GRIA4: variants seen among roughly 807,000 people sequenced by gnomAD.
The protein encoded by GRIA4 is glutamate ionotropic receptor AMPA type subunit 4, also known as glutamate receptor 4.
Under a neutral mutation model 104.0 loss-of-function variants are expected in GRIA4, and 34 were observed. The observed-to-expected ratio is 0.33, with a 90% CI of 0.25 to 0.44. The LOEUF (loss-of-function observed/expected upper bound fraction) is 0.44. Ranked by LOEUF, GRIA4 falls within the 20% of genes least tolerant of loss-of-function variation. The probability of loss-of-function intolerance (pLI) is 1.00; values close to 1 mark genes in which losing one functional copy is unlikely to be tolerated. For missense variants in GRIA4, 750 were observed against 1,096.5 expected (o/e 0.68, Z 4.46); for synonymous variants, 386 against 381.9 (o/e 1.01, Z -0.13).
At position 105,981,734 on chromosome 11, in the gene GRIA4, A is replaced by T. The variant is rs527491831; in HGVS notation, c.*1995A>T. On this transcript the variant is annotated 3_prime_UTR_variant, in exon 17 of 17. Transcript: ENST00000282499. ...AATGAACCTCCAAAGCAGCACATGG[A>T]GCACTGCATAGACTATTTCCTCAGT... The T allele has an allele frequency of 6.5e-6, 1 of 152,750 alleles. No homozygotes were observed. Among genetic ancestry groups the T allele is most frequent in the East Asian group, 1.9e-4 (1 of 5,176 alleles). The allele number at this position is 152,750 out of a possible 1,614,324, so 9.5% of individuals were successfully genotyped here.
At chr11:105,772,619 C>G (rs1055613934) in intron 4 of GRIA4, among the ~76,000 whole-genome samples, 1 of 151,966 alleles carries the variant, frequency 6.6e-6, no homozygotes, top group South Asian at 2.1e-4. Flanking sequence ...CCAACCGTCA[C>G]GTTGTTCAAA....
chr11:105,642,879 T>G (rs147211257), intron 3 of GRIA4, among the ~76,000 whole-genome samples: 2 of 152,306 alleles, frequency 1.3e-5, no homozygotes, highest in African/African-American at 4.8e-5. Flanking sequence ...TACCAGAGAC[T>G]GAGTAATTTA....
At chr11:105,971,644 C>G (rs1858699492) in intron 14 of GRIA4, among the ~76,000 whole-genome samples, 2 of 152,134 alleles carry the variant, frequency 1.3e-5, no homozygotes, top group Non-Finnish European at 2.9e-5. Flanking sequence ...GGTAAATGTT[C>G]CAGAAACCCA....
In GRIA4 at chr11:105,979,977, G is replaced by T; in HGVS notation, c.*238G>T. 2.5e-6 allele frequency: 1 copy of T among 407,390 alleles called. No homozygotes were observed. 25.2% of individuals were successfully genotyped at this position (407,390 alleles called of 1,614,324 possible). ...TCACAATTGAGGTTTTTTTCGGGGA[G>T]TGGGTGGGGGAGGGATCTGGGATGG... On this transcript the variant is annotated 3_prime_UTR_variant, in exon 17 of 17. Transcript: ENST00000282499.
chr11:105,884,676 T>C (rs1176889928), intron 5 of GRIA4, among the ~76,000 whole-genome samples: 1 of 152,222 alleles, frequency 6.6e-6, no homozygotes, highest in Non-Finnish European at 1.5e-5. Flanking sequence ...TATGGAGCTC[T>C]GCAAGACCTT....
chr11:105,951,677 C>G (rs1193419489), intron 14 of GRIA4, among the ~76,000 whole-genome samples: 1 of 152,024 alleles, frequency 6.6e-6, no homozygotes, highest in Non-Finnish European at 1.5e-5. Context: ...GTTTCACATT[C>G]AGTATTTAAA....
chr11:105,792,302 A>G (rs1942249149), intron 4 of GRIA4, among the ~76,000 whole-genome samples: 1 of 152,176 alleles, frequency 6.6e-6, no homozygotes, highest in South Asian at 2.1e-4. Flanking sequence ...ATTCAGATAT[A>G]AAAAGTCATT....
rs755966817 is a variant in GRIA4, at chr11:105,972,014, G to A, written c.2395G>A (p.Asp799Asn). 1 of 1,609,662 alleles carries A rather than the reference G, an allele frequency of 6.2e-7. No homozygotes were observed. Among genetic ancestry groups the A allele is most frequent in the Non-Finnish European group, 8.5e-7 (1 of 1,176,454 alleles). ...CGATAAAGGTGAATGTGGACCCAAG[G>A]ACTCTGGAAGCAAGGTCAGTCGCTG... ...WYDKGECGPK[D>N]SGSKDKTSAL... The change falls in exon 15 of 17, where the codon GAC (aspartate) becomes AAC (asparagine). Residue 799 changes from aspartate (D) to asparagine (N), a missense_variant. By Grantham distance (23) the Asp-to-Asn change is conservative. This residue lies in a region of GRIA4 where 272 missense variants were observed against 524.5 expected (regional missense o/e 0.52). Transcript: ENST00000282499.
chr11:105,818,078 CAT>C (rs1454677275), intron 4 of GRIA4, among the ~76,000 whole-genome samples: 1 of 152,032 alleles, frequency 6.6e-6, no homozygotes, highest in African/African-American at 2.4e-5. Context: ...AAAAATACAG[CAT>C]GGGTCATAAA....
At chr11:105,884,623 G>A (rs1235640644) in intron 5 of GRIA4, among the ~76,000 whole-genome samples, 2 of 152,142 alleles carry the variant, frequency 1.3e-5, no homozygotes, top group Admixed American at 6.5e-5. Context: ...TAAATCTCCA[G>A]ATCCCTGCTC....
At position 105,794,816 on chromosome 11, in the gene GRIA4, C is replaced by G. The variant is rs952473861; in HGVS notation, c.487+41596C>G. Reference sequence around the variant, plus strand: ...TAATTACATCTTTAGTTTTCTTAACCTGAAACTCAAATTTAGCATTTAAAT... The same window carrying G: ...TAATTACATCTTTAGTTTTCTTAACGTGAAACTCAAATTTAGCATTTAAAT... On this transcript the variant is annotated intron_variant, in intron 4 of 16. Coordinates refer to ENST00000282499, the MANE Select transcript of GRIA4 (RefSeq NM_000829.4). Among the ~76,000 whole-genome samples, 4 of 151,294 alleles carry G rather than the reference C, an allele frequency of 2.6e-5. No homozygotes were observed. In the Admixed American group the frequency reaches 2.6e-4, roughly 10 times the overall value.
chr11:105,876,548 G>C (rs140361084), intron 5 of GRIA4, among the ~76,000 whole-genome samples: 11 of 152,080 alleles, frequency 7.2e-5, no homozygotes, highest in Non-Finnish European at 8.8e-5. Context: ...TGTGGGAGTC[G>C]AGGTTTCTTT....
chr11:105,613,773 C>G (rs1346302742), intron 3 of GRIA4: 1 of 152,014 alleles, frequency 6.6e-6, no homozygotes, highest in East Asian at 1.9e-4. Context: ...GCATATGTCA[C>G]TTTTGCAAAG....
intron 3 of GRIA4, among the ~76,000 whole-genome samples, chr11:105,661,996 T>C (rs1191399306): frequency 1.3e-4 from 11 of 85,250 alleles, no homozygotes; most frequent in Non-Finnish European, 1.9e-4. Context: ...GAAAACTGTG[T>C]GTGTGTGTGT....
At chr11:105,916,795 A>G (rs964539679) in intron 10 of GRIA4, among the ~76,000 whole-genome samples, 3 of 152,198 alleles carry the variant, frequency 2.0e-5, no homozygotes, top group African/African-American at 7.2e-5. Context: ...CAACTGTAGT[A>G]CCAAATGGAG....
chr11:105,867,328 A>G (rs1293471423), intron 5 of GRIA4, among the ~76,000 whole-genome samples: 1 of 152,202 alleles, frequency 6.6e-6, no homozygotes, highest in Non-Finnish European at 1.5e-5. Flanking sequence ...CAGTTAACTT[A>G]TTCTAAACCC....
At chr11:105,939,156 C>G (rs1948123415) in intron 14 of GRIA4, among the ~76,000 whole-genome samples, 1 of 152,142 alleles carries the variant, frequency 6.6e-6, no homozygotes, top group Admixed American at 6.6e-5. Flanking sequence ...GTTCATTCAA[C>G]AAATGACTCC....
At chr11:105,805,538 G>A (rs1942918676) in intron 4 of GRIA4, among the ~76,000 whole-genome samples, 2 of 146,182 alleles carry the variant, frequency 1.4e-5, no homozygotes, top group East Asian at 2.0e-4. Flanking sequence ...GCCAAATTTT[G>A]GAATAACTAA....
intron 3 of GRIA4, among the ~76,000 whole-genome samples, chr11:105,666,938 T>C (rs1366317974): frequency 6.6e-6 from 1 of 151,954 alleles, no homozygotes; most frequent in Non-Finnish European, 1.5e-5. Flanking sequence ...CAGCACACGG[T>C]CTGTGCATAC....
Sources: allele counts gnomAD v4.1 joint callset (sites outside exome capture counted in the v4.1 genomes callset), GRCh38; gene constraint gnomAD v4.1.1; regional missense constraint gnomAD v4.1.1; transcripts MANE v1.5; gene names NCBI Gene and HGNC (gene_info 2026-07-23, HGNC 2026-07-21).